The following CYP19A1 variants were observed in gnomAD, a reference collection of about 807,000 sequenced individuals.
The protein encoded by CYP19A1 is aromatase.
In CYP19A1, 32 loss-of-function variants were observed where a neutral mutation model predicts 44.4. The ratio of observed to expected loss-of-function variants is 0.72; its 90% CI spans 0.54 to 0.97. The LOEUF (loss-of-function observed/expected upper bound fraction) is 0.97. Among genes scored for constraint, CYP19A1 ranks in the 50% least tolerant of loss-of-function variants. The pLI, the probability that CYP19A1 is intolerant of heterozygous loss-of-function variation, is 0.00. For synonymous variants in CYP19A1, 212 were observed against 215.6 expected (o/e 0.98, Z 0.14); for missense variants, 598 against 637.8 (o/e 0.94, Z 0.67).
At chr15:51,211,768 G>A in intron 9 of CYP19A1, 1 of 389,402 alleles carries the variant, frequency 2.6e-6, no homozygotes. Context: ...CATAATGAAG[G>A]TGGAATCTGT....
At chr15:51,247,733 T>C (rs2034128223) in intron 1 of CYP19A1, among the ~76,000 whole-genome samples, 1 of 152,124 alleles carries the variant, frequency 6.6e-6, no homozygotes, top group South Asian at 2.1e-4. Flanking sequence ...CTAACCTTCT[T>C]ATACATCATT....
At chr15:51,303,718 G>C (rs751551008) in intron 1 of CYP19A1, among the ~76,000 whole-genome samples, 15 of 152,284 alleles carry the variant, frequency 9.9e-5, no homozygotes, top group Middle Eastern at 3.4e-3. Flanking sequence ...TCCCTCTAAG[G>C]GGCAGATAAG....
intron 1 of CYP19A1, among the ~76,000 whole-genome samples, chr15:51,274,177 C>T (rs2035225075): frequency 6.6e-6 from 1 of 152,182 alleles, no homozygotes; most frequent in South Asian, 2.1e-4. Flanking sequence ...TAGTACCACA[C>T]ACCAGGCAAG....
At chr15:51,310,860 G>A (rs1228336726) in intron 1 of CYP19A1, among the ~76,000 whole-genome samples, 2 of 152,178 alleles carry the variant, frequency 1.3e-5, no homozygotes, top group Non-Finnish European at 2.9e-5. Flanking sequence ...GCCAGCACAA[G>A]TCCTGACCTC....
rs1165832269 is a variant in CYP19A1, at chr15:51,310,516, ACAGT to A, written c.-39+27975_-39+27978del. On this transcript the variant is annotated intron_variant, in intron 1 of 9. Coordinates refer to ENST00000396402, the MANE Select transcript of CYP19A1 (RefSeq NM_000103.4). ...TTTTTTTCTCTCTCAGCTTGGACAC[ACAGT>A]CAGATGCAGCCCCCAAACTGTATCG... Among the ~76,000 whole-genome samples the A allele has an allele frequency of 3.3e-5, 5 of 152,302 alleles. No homozygotes were observed. The East Asian group carries it at 9.6e-4, about 29-fold the overall frequency.
chr15:51,249,396 C>T (rs2034211989), intron 1 of CYP19A1, among the ~76,000 whole-genome samples: 1 of 152,190 alleles, frequency 6.6e-6, no homozygotes. Flanking sequence ...AAGCCTGCTT[C>T]TTCTTCTCCT....
In CYP19A1 at chr15:51,243,552, A is replaced by G. The variant is rs1347925892; in HGVS notation, c.-38-602T>C. Reference sequence around the variant, plus strand: ...ACTCAGGCCATCTCTAGTGACTTCAATGAAGATCTAAAATCTCTTGTACCA... The same window carrying G: ...ACTCAGGCCATCTCTAGTGACTTCAGTGAAGATCTAAAATCTCTTGTACCA... On this transcript the variant is annotated intron_variant, in intron 1 of 9. Transcript: ENST00000396402. Among the ~76,000 whole-genome samples the G allele has an allele frequency of 2.6e-5, 4 of 152,188 alleles. No homozygotes were observed. The South Asian group carries it at 6.2e-4, about 24-fold the overall frequency.
At chr15:51,295,279 G>A (rs554362393) in intron 1 of CYP19A1, among the ~76,000 whole-genome samples, 1 of 152,122 alleles carries the variant, frequency 6.6e-6, no homozygotes, top group South Asian at 2.1e-4. Flanking sequence ...GATTCAGAAG[G>A]ACAAGTAAAA....
intron 1 of CYP19A1, among the ~76,000 whole-genome samples, chr15:51,329,313 A>C (rs1367921101): frequency 1.3e-5 from 2 of 152,136 alleles, no homozygotes; most frequent in African/African-American, 4.8e-5. Context: ...GCCCCACTCC[A>C]GACTCAGCAG....
chr15:51,324,634 A>G (rs2036579624), intron 1 of CYP19A1, among the ~76,000 whole-genome samples: 1 of 152,280 alleles, frequency 6.6e-6, no homozygotes, highest in South Asian at 2.1e-4. Flanking sequence ...ATAAAAGGCA[A>G]CTTTAAAACT....
At chr15:51,285,613 C>T (rs540424499) in intron 1 of CYP19A1, among the ~76,000 whole-genome samples, 2 of 152,302 alleles carry the variant, frequency 1.3e-5, no homozygotes, top group Non-Finnish European at 2.9e-5. Context: ...TGGCTCCTTG[C>T]TTCTAGCTTA....
At chr15:51,296,323 G>C (rs1323969648) in intron 1 of CYP19A1, among the ~76,000 whole-genome samples, 2 of 152,088 alleles carry the variant, frequency 1.3e-5, no homozygotes, top group South Asian at 2.1e-4. Flanking sequence ...AATGGATGTC[G>C]ATTTGACATG....
chr15:51,328,435 C>T (rs1057238631), intron 1 of CYP19A1, among the ~76,000 whole-genome samples: 15 of 152,180 alleles, frequency 9.9e-5, no homozygotes, highest in African/African-American at 3.6e-4. Context: ...AATGGCATCC[C>T]ACATTCACCG....
Position 51,208,118 on chromosome 15 carries a change from G to C in CYP19A1, c.*2690C>G, listed in dbSNP as rs1488829662. The C allele has an allele frequency of 2.6e-5, 4 of 152,156 alleles. No individual in the cohort carries two copies. Among genetic ancestry groups the C allele is most frequent in the African/African-American group, 9.7e-5 (4 of 41,420 alleles). 9.4% of individuals were successfully genotyped at this position (152,156 alleles called of 1,614,324 possible). A position where few individuals can be genotyped will look rare whatever the true frequency, so the allele number is the denominator to read the frequency against. On this transcript the variant is annotated 3_prime_UTR_variant, in exon 10 of 10. Transcript: ENST00000396402. ...AGAATAGGTGAGAGATTCAGTCCCA[G>C]AGCCCAGCTGATATAGATTGAAAAG...
At chr15:51,271,186 T>A (rs1056675447) in intron 1 of CYP19A1, among the ~76,000 whole-genome samples, 2 of 152,154 alleles carry the variant, frequency 1.3e-5, no homozygotes, top group African/African-American at 4.8e-5. Context: ...CGCCCTCTTC[T>A]TAATCACCCA....
intron 4 of CYP19A1, 34 bp downstream of exon 4, chr15:51,227,745 A>AG: frequency 1.1e-6 from 1 of 906,128 alleles, no homozygotes; most frequent in Non-Finnish European, 1.8e-6. Context: ...ATTCATAGAC[A>AG]AAAAAGATTG....
chr15:51,208,920 T>C lies in CYP19A1; in HGVS notation c.*1888A>G, dbSNP rs4275794. On this transcript the variant is annotated 3_prime_UTR_variant, in exon 10 of 10. Transcript: ENST00000396402. ...ATACACATAAATGTCCCAAGAGTAT[T>C]GGATGGGTGAAGTACATGGATCCAA... 0.24 allele frequency: 36,745 copies of C among 152,068 alleles called. 4,749 individuals carry two copies. Among genetic ancestry groups the C allele is most frequent in the Middle Eastern group, 0.35 (103 of 294 alleles). The allele number at this position is 152,068 out of a possible 1,614,324, so 9.4% of individuals were successfully genotyped here.
At chr15:51,247,270 T>C (rs1344311458) in intron 1 of CYP19A1, among the ~76,000 whole-genome samples, 1 of 152,072 alleles carries the variant, frequency 6.6e-6, no homozygotes, top group Non-Finnish European at 1.5e-5. Flanking sequence ...TATTTTCCTC[T>C]CTTAAGCTCT....
At chr15:51,326,701 T>C (rs146145943) in intron 1 of CYP19A1, among the ~76,000 whole-genome samples, 43 of 152,324 alleles carry the variant, frequency 2.8e-4, no homozygotes, top group African/African-American at 9.9e-4. Context: ...ACATAGAATT[T>C]TGAACCTGGA....
Sources: gnomAD v4.1 joint callset for allele counts (sites outside exome capture counted in the v4.1 genomes callset) on GRCh38, gnomAD v4.1.1 for gene constraint, MANE v1.5 for transcripts, NCBI Gene and HGNC (gene_info 2026-07-23, HGNC 2026-07-21) for gene names.